Variants in PPP1R12A observed in about 807,000 individuals in gnomAD.
PPP1R12A encodes the protein myosin binding subunit.
In PPP1R12A, 19 loss-of-function variants were observed where a neutral mutation model predicts 139.6. That is an observed-to-expected ratio of 0.14 (90% CI 0.09 to 0.20). PPP1R12A has a LOEUF of 0.20. Among genes scored for constraint, PPP1R12A ranks in the 10% least tolerant of loss-of-function variants. The pLI, the probability that PPP1R12A is intolerant of heterozygous loss-of-function variation, is 1.00. For synonymous variants in PPP1R12A, 427 were observed against 420.6 expected, an observed-to-expected ratio of 1.02 and a Z score of -0.19; for missense variants, 925 against 1,211.5, an observed-to-expected ratio of 0.76 and a Z score of 3.51.
At chr12:79,876,921 G>A (rs1883161015) in intron 1 of PPP1R12A, among the ~76,000 whole-genome samples, 1 of 152,046 alleles carries the variant, frequency 6.6e-6, no homozygotes, top group South Asian at 2.1e-4. Context: ...TGAGACAGGA[G>A]AACCGCTTGA....
intron 2 of PPP1R12A, among the ~76,000 whole-genome samples, chr12:79,860,882 T>C (rs532357958): frequency 2.0e-5 from 3 of 152,262 alleles, no homozygotes; most frequent in Non-Finnish European, 4.4e-5. Context: ...GGTGGCGGCA[T>C]TATTATACTC....
At chr12:79,787,209 AT>A (rs1871234818) in intron 21 of PPP1R12A, 1 of 152,178 alleles carries the variant, frequency 6.6e-6, no homozygotes, top group Non-Finnish European at 1.5e-5. Flanking sequence ...CCACCCACAA[AT>A]TAAAAACTCT....
rs571119363 is a variant in PPP1R12A at position 79,910,691 on chromosome 12, C to G, written c.237+24004G>C. On this transcript the variant is annotated intron_variant, in intron 1 of 24. Coordinates refer to ENST00000450142, the MANE Select transcript of PPP1R12A (RefSeq NM_002480.3). ...ATATATGTAAACAAACACACATAAA[C>G]ACATCTAATTTCAAAGGCTAGTCAT... Among the ~76,000 whole-genome samples, 26 of 152,206 alleles carry G rather than the reference C, an allele frequency of 1.7e-4. 1 individual carries two copies. Among genetic ancestry groups the G allele is most frequent in the African/African-American group, 6.0e-4 (25 of 41,522 alleles).
chr12:79,839,984 G>A (rs1488178186), intron 3 of PPP1R12A, among the ~76,000 whole-genome samples: 1 of 152,124 alleles, frequency 6.6e-6, no homozygotes, highest in Non-Finnish European at 1.5e-5. Context: ...ATTAAGATAT[G>A]CTATATAAAT....
At chr12:79,836,732 T>C (rs1183358351) in intron 3 of PPP1R12A, among the ~76,000 whole-genome samples, 1 of 152,230 alleles carries the variant, frequency 6.6e-6, no homozygotes, top group Non-Finnish European at 1.5e-5. Context: ...AATTGTACTA[T>C]GTATTAGGAG....
Position 79,935,053 on chromosome 12 carries a change from A to G in PPP1R12A, c.-122T>C. Reference sequence around the variant, plus strand: ...GAGTGCGGGCCAGAGGAGGGCTGGGAACCCGGAGCCGACGCTCGAGACTTC... The same window carrying G: ...GAGTGCGGGCCAGAGGAGGGCTGGGGACCCGGAGCCGACGCTCGAGACTTC... On this transcript the variant is annotated 5_prime_UTR_variant, in exon 1 of 25. Coordinates refer to ENST00000450142, the MANE Select transcript of PPP1R12A (RefSeq NM_002480.3). 1 of 1,407,642 alleles carries G rather than the reference A, an allele frequency of 7.1e-7. No individual in the cohort carries two copies. The highest frequency in any genetic ancestry group is 9.2e-7 in the Non-Finnish European group (1 of 1,082,742). The allele number at this position is 1,407,642 out of a possible 1,614,324, so 87.2% of individuals were successfully genotyped here. A position where few individuals can be genotyped will look rare whatever the true frequency, so the allele number is the denominator to read the frequency against.
At chr12:79,891,438 T>C (rs545856035) in intron 1 of PPP1R12A, among the ~76,000 whole-genome samples, 1 of 152,230 alleles carries the variant, frequency 6.6e-6, no homozygotes, top group African/African-American at 2.4e-5. Context: ...AAGTATCTTG[T>C]TGAATAGTGA....
rs1206633998 is a variant in PPP1R12A, at chr12:79,774,633, T to C, written c.*1296A>G. On this transcript the variant is annotated 3_prime_UTR_variant, in exon 25 of 25. Transcript: ENST00000450142. ...TACTTGGTTTTGCGCTTTTTTTTCC[T>C]TAAAAAAAAAAAAAGGCCACTGAAA... The C allele has an allele frequency of 8.5e-5, 2 of 23,590 alleles. No individual in the cohort carries two copies. The highest frequency in any genetic ancestry group is 7.2e-4 in the East Asian group (2 of 2,792). 1.5% of individuals were successfully genotyped at this position (23,590 alleles called of 1,614,324 possible).
At chr12:79,779,351 C>T (rs1276526654) in intron 23 of PPP1R12A, 15 of 1,288,886 alleles carry the variant, frequency 1.2e-5, no homozygotes, top group Non-Finnish European at 1.5e-5. Context: ...TTGCCGGTCA[C>T]CTTTCAGATA....
At chr12:79,934,178 G>A (rs965865000) in intron 1 of PPP1R12A, among the ~76,000 whole-genome samples, 4 of 152,060 alleles carry the variant, frequency 2.6e-5, no homozygotes, top group Non-Finnish European at 2.9e-5. Context: ...CTCGGCTTAG[G>A]GCTCTAGATT....
chr12:79,883,364 A>G (rs116629700), intron 1 of PPP1R12A, among the ~76,000 whole-genome samples: 1 of 152,098 alleles, frequency 6.6e-6, no homozygotes, highest in Non-Finnish European at 1.5e-5. Context: ...AACCAAAAAA[A>G]ATTGTGTGAC....
intron 5 of PPP1R12A, among the ~76,000 whole-genome samples, chr12:79,824,122 T>C (rs2137123904): frequency 6.6e-6 from 1 of 152,292 alleles, no homozygotes; most frequent in African/African-American, 2.4e-5. Flanking sequence ...AGCCAAAATT[T>C]AAATTCCTGA....
intron 14 of PPP1R12A, among the ~76,000 whole-genome samples, chr12:79,803,579 C>A (rs1369776049): frequency 6.6e-6 from 1 of 152,052 alleles, no homozygotes; most frequent in Non-Finnish European, 1.5e-5. Flanking sequence ...AATTTTAAAT[C>A]ATATACATTT....
intron 9 of PPP1R12A, 149 bp downstream of exon 9, chr12:79,817,245 C>T: frequency 1.4e-6 from 1 of 690,458 alleles, no homozygotes; most frequent in Non-Finnish European, 2.1e-6. Context: ...AAATCTCATT[C>T]AACTGAGAAA....
intron 12 of PPP1R12A, 22 bp downstream of exon 12, chr12:79,807,204 C>A (rs77477730): frequency 1.8e-5 from 24 of 1,347,854 alleles, no homozygotes; most frequent in South Asian, 2.8e-5. Context: ...ACATAAAAAC[C>A]GCTTAAGAAT....
chr12:79,781,590 A>G (rs1870454955), intron 23 of PPP1R12A, among the ~76,000 whole-genome samples: 6 of 152,100 alleles, frequency 3.9e-5, no homozygotes. Flanking sequence ...TAAATTCATT[A>G]AAAGAATTAT....
At chr12:79,819,177 G>A (rs554108374) in intron 8 of PPP1R12A, 5 of 152,276 alleles carry the variant, frequency 3.3e-5, no homozygotes, top group African/African-American at 7.2e-5. Context: ...ATTCCAAACC[G>A]GGAACAAATA....
intron 1 of PPP1R12A, among the ~76,000 whole-genome samples, chr12:79,901,670 A>G (rs1592798165): frequency 6.6e-6 from 1 of 152,244 alleles, no homozygotes; most frequent in East Asian, 1.9e-4. Context: ...AAGAGAAGTT[A>G]CTCAATATTT....
At chr12:79,873,277 A>G (rs898809750) in intron 1 of PPP1R12A, among the ~76,000 whole-genome samples, 2 of 152,100 alleles carry the variant, frequency 1.3e-5, no homozygotes, top group African/African-American at 4.8e-5. Flanking sequence ...TGCTGGGGGA[A>G]GGGGGAGTAG....
Sources: allele counts gnomAD v4.1 joint callset (sites outside exome capture counted in the v4.1 genomes callset), GRCh38; gene constraint gnomAD v4.1.1; transcripts MANE v1.5; gene names NCBI Gene and HGNC (gene_info 2026-07-23, HGNC 2026-07-21).